Variants in NFX1 observed in about 807,000 individuals in gnomAD.
The protein encoded by NFX1 is transcriptional repressor NF-X1.
A neutral mutation model predicts 137.2 loss-of-function variants in NFX1; 69 were observed. The observed-to-expected ratio is 0.50, with a 90% CI of 0.41 to 0.61. The LOEUF is 0.61. Ranked by LOEUF, NFX1 falls within the 20% of genes least tolerant of loss-of-function variation. The pLI, the probability that NFX1 is intolerant of heterozygous loss-of-function variation, is 0.00. For synonymous variants in NFX1, 495 were observed against 474.1 expected (o/e 1.04, Z -0.57); for missense variants, 1,167 against 1,391.0 (o/e 0.84, Z 2.56).
At chr9:33,312,786 G>T (rs1482958689) in intron 6 of NFX1, among the ~76,000 whole-genome samples, 1 of 152,156 alleles carries the variant, frequency 6.6e-6, no homozygotes, top group Admixed American at 6.5e-5. Context: ...TAGGAGAATC[G>T]CTTGAAACCA....
At chr9:33,357,131 T>G (rs1823837795) in intron 19 of NFX1, among the ~76,000 whole-genome samples, 2 of 150,898 alleles carry the variant, frequency 1.3e-5, no homozygotes, top group Admixed American at 1.3e-4. Flanking sequence ...TAAAACCCCA[T>G]CTCTACTAAA....
chr9:33,359,262 G>A (rs895776364), intron 19 of NFX1, among the ~76,000 whole-genome samples: 60 of 150,532 alleles, frequency 4.0e-4, no homozygotes, highest in African/African-American at 1.4e-3. Flanking sequence ...TCATTGTATT[G>A]GTTAGGGCCT....
chr9:33,315,249 A>G (rs1301407041), intron 7 of NFX1, among the ~76,000 whole-genome samples: 1 of 151,074 alleles, frequency 6.6e-6, no homozygotes, highest in Non-Finnish European at 1.5e-5. Context: ...AAAGGAATCT[A>G]GTTTTATTTT....
chr9:33,321,427 T>C (rs1587839227), intron 9 of NFX1, among the ~76,000 whole-genome samples: 1 of 152,138 alleles, frequency 6.6e-6, no homozygotes, highest in East Asian at 1.9e-4. Context: ...CTCGCTTAGG[T>C]CTTTTGTATC....
intron 2 of NFX1, among the ~76,000 whole-genome samples, chr9:33,296,705 CAG>C (rs1383476135): frequency 6.6e-6 from 1 of 152,244 alleles, no homozygotes; most frequent in Non-Finnish European, 1.5e-5. Flanking sequence ...GCCTGGATAA[CAG>C]AGCAAGACCC....
chr9:33,323,872 T>A (rs751599342), intron 9 of NFX1, among the ~76,000 whole-genome samples: 9 of 152,104 alleles, frequency 5.9e-5, no homozygotes, highest in Non-Finnish European at 1.3e-4. Flanking sequence ...TAGAGAATAT[T>A]GATAAAGAGA....
At chr9:33,314,447 C>T (rs1290085253) in intron 7 of NFX1, among the ~76,000 whole-genome samples, 1 of 151,920 alleles carries the variant, frequency 6.6e-6, no homozygotes, top group Non-Finnish European at 1.5e-5. Flanking sequence ...GAGGGTGAGG[C>T]CGGTGGATCA....
chr9:33,347,783 G>GC (rs1418032235), intron 15 of NFX1: 3 of 310,346 alleles, frequency 9.7e-6, no homozygotes, highest in African/African-American at 6.6e-5. Flanking sequence ...CAGCCCAACT[G>GC]CCCATCAGTC....
At chr9:33,349,531 C>T (rs1323058151) in intron 15 of NFX1, among the ~76,000 whole-genome samples, 1 of 152,104 alleles carries the variant, frequency 6.6e-6, no homozygotes, top group Non-Finnish European at 1.5e-5. Context: ...TTGGAAGTCT[C>T]TTCAGGGGGA....
intron 9 of NFX1, among the ~76,000 whole-genome samples, chr9:33,326,946 T>C (rs913940251): frequency 6.6e-6 from 1 of 152,140 alleles, no homozygotes; most frequent in Non-Finnish European, 1.5e-5. Context: ...TCTGATAAGA[T>C]GTATATGGTA....
At chr9:33,345,995 T>C (rs948866976) in intron 14 of NFX1, among the ~76,000 whole-genome samples, 1 of 152,232 alleles carries the variant, frequency 6.6e-6, no homozygotes, top group African/African-American at 2.4e-5. Context: ...TACCCACAGT[T>C]AGTCTGGCAG....
chr9:33,292,750 T>C (rs1436416929), intron 1 of NFX1, among the ~76,000 whole-genome samples: 1 of 152,202 alleles, frequency 6.6e-6, no homozygotes, highest in African/African-American at 2.4e-5. Flanking sequence ...ATCAACTCAT[T>C]ACTGCTTAAC....
At chr9:33,336,614 T>A (rs1823014523) in intron 11 of NFX1, among the ~76,000 whole-genome samples, 1 of 152,154 alleles carries the variant, frequency 6.6e-6, no homozygotes, top group East Asian at 1.9e-4. Flanking sequence ...TTAAAATCTA[T>A]TTATTGTTTA....
chr9:33,342,838 G>A lies in NFX1; in HGVS notation c.2208G>A (p.Gln736=). Residue 736 remains glutamine, a synonymous_variant, in exon 13 of 24, where the codon CAG becomes CAA. Transcript: ENST00000379540. ...AACCTTGTCATCGTGGAAACTGCCA[G>A]ACATGCTGGCAAGCCAGTGAGTGTC... ...CEEPCHRGNC[Q]TCWQASFDEL... The A allele has an allele frequency of 6.2e-7, 1 of 1,612,552 alleles. No individual in the cohort carries two copies. The highest frequency in any genetic ancestry group is 1.3e-5 in the African/African-American group (1 of 75,054).
rs1194051762 is a variant in NFX1, at chr9:33,290,977, G to T, written c.25+380G>T. On this transcript the variant is annotated intron_variant, in intron 1 of 23. Coordinates refer to ENST00000379540, the MANE Select transcript of NFX1 (RefSeq NM_002504.6). ...GTGTAGGGTGTGGTGTGCTCATACC[G>T]CCTGGAGTGGTGGCGTGGGCGCGAG... is the stretch of plus-strand genomic sequence containing the variant. Among the ~76,000 whole-genome samples, 5 of 152,324 alleles carry T rather than the reference G, an allele frequency of 3.3e-5. No homozygotes were observed. In the East Asian group the frequency reaches 7.7e-4, roughly 24 times the overall value.
At chr9:33,325,600 C>G (rs1822555263) in intron 9 of NFX1, among the ~76,000 whole-genome samples, 1 of 151,922 alleles carries the variant, frequency 6.6e-6, no homozygotes, top group Admixed American at 6.6e-5. Context: ...GGAGGCGTAG[C>G]TTGCAGTGAG....
At chr9:33,352,887 C>G in intron 17 of NFX1, 168 bp downstream of exon 17, 1 of 579,490 alleles carries the variant, frequency 1.7e-6, no homozygotes, top group Non-Finnish European at 3.1e-6. Context: ...ATGTGTTTAT[C>G]ATAGTATCCT....
At chr9:33,362,939 G>A (rs1358545132) in intron 19 of NFX1, among the ~76,000 whole-genome samples, 1 of 151,798 alleles carries the variant, frequency 6.6e-6, no homozygotes. Context: ...CCCAGCTTCA[G>A]GTGATCCGCC....
intron 11 of NFX1, among the ~76,000 whole-genome samples, chr9:33,338,074 G>A (rs1173227421): frequency 1.3e-5 from 2 of 151,188 alleles, no homozygotes; most frequent in African/African-American, 2.4e-5. Context: ...AAGCAAAAAG[G>A]CCAGGCGTGT....
Sources: gnomAD v4.1 joint callset for allele counts (sites outside exome capture counted in the v4.1 genomes callset) on GRCh38, gnomAD v4.1.1 for gene constraint, MANE v1.5 for transcripts, NCBI Gene and HGNC (gene_info 2026-07-23, HGNC 2026-07-21) for gene names.